The following ERCC6 variants were observed in gnomAD, a reference collection of about 807,000 sequenced individuals.
The protein encoded by ERCC6 is DNA excision repair protein ERCC-6.
In ERCC6, 116 loss-of-function variants were observed where a neutral mutation model predicts 158.7. The observed-to-expected ratio is 0.73, with a 90% CI of 0.63 to 0.85. The LOEUF is 0.85. ERCC6 is among the 40% of genes least tolerant of loss of function. The pLI is 0.00. For missense variants in ERCC6, 1,698 were observed against 1,799.4 expected (o/e 0.94, Z 1.02); for synonymous variants, 678 against 659.3 (o/e 1.03, Z -0.43).
In ERCC6 at chr10:49,454,771, T is replaced by C. The variant is rs1455587096; in HGVS notation, c.*4044A>G. On this transcript the variant is annotated 3_prime_UTR_variant, in exon 21 of 21. Transcript: ENST00000355832. ...GAAAAGACTTTGAGGACAATCATTC[T>C]ACCATTTGTGATAATCAATTATGAT... 1.3e-5 allele frequency among the ~76,000 whole-genome samples: 2 copies of C among 152,196 alleles called. No individual in the cohort carries two copies. Among genetic ancestry groups the C allele is most frequent in the Non-Finnish European group, 2.9e-5 (2 of 68,026 alleles).
chr10:49,537,348 A>T (rs968586452), intron 1 of ERCC6, among the ~76,000 whole-genome samples: 5 of 151,592 alleles, frequency 3.3e-5, no homozygotes, highest in Non-Finnish European at 7.4e-5. Flanking sequence ...GTCTCAAAAA[A>T]AAAAAAAAAA....
downstream of ERCC6, among the ~76,000 whole-genome samples, chr10:49,451,077 C>T (rs1269735270): frequency 1.3e-5 from 2 of 151,976 alleles, no homozygotes; most frequent in African/African-American, 4.8e-5. Flanking sequence ...TCCCAAAGTG[C>T]TGGGATTACA....
At chr10:49,499,622 T>A (rs977947065) in intron 7 of ERCC6, among the ~76,000 whole-genome samples, 1 of 152,182 alleles carries the variant, frequency 6.6e-6, no homozygotes, top group African/African-American at 2.4e-5. Flanking sequence ...CACAAGGAGC[T>A]CGGACTTATC....
intron 5 of ERCC6, chr10:49,516,825 T>C (rs1836984727): frequency 6.2e-7 from 1 of 1,614,130 alleles, no homozygotes; most frequent in African/African-American, 1.3e-5. Context: ...TGGAGGTTGC[T>C]GCACAGTAAA....
In ERCC6 at chr10:49,455,046, A is replaced by G. The variant is rs1275528974; in HGVS notation, c.*3769T>C. Among the ~76,000 whole-genome samples the G allele has an allele frequency of 1.3e-5, 2 of 152,224 alleles. No individual in the cohort carries two copies. The highest frequency in any genetic ancestry group is 2.9e-5 in the Non-Finnish European group (2 of 68,032). On this transcript the variant is annotated 3_prime_UTR_variant, in exon 21 of 21. Coordinates refer to ENST00000355832, the MANE Select transcript of ERCC6 (RefSeq NM_000124.4). ...GAATGGTTCTTAAATAAACAAAAAA[A>G]AATGGAAAGACTGAATTTACTATAT...
At chr10:49,518,634 A>T (rs1013189473) in intron 5 of ERCC6, among the ~76,000 whole-genome samples, 1 of 151,738 alleles carries the variant, frequency 6.6e-6, no homozygotes, top group Non-Finnish European at 1.5e-5. Flanking sequence ...AATCCACAAG[A>T]CTCTCTTCAT....
chr10:49,488,428 AT>A (rs766387322), intron 8 of ERCC6: 11 of 152,206 alleles, frequency 7.2e-5, no homozygotes, highest in Non-Finnish European at 1.6e-4. Context: ...ATAAACAAGG[AT>A]TTGTGCTGAC....
chr10:49,517,103 T>C, intron 5 of ERCC6: 1 of 1,593,384 alleles, frequency 6.3e-7, no homozygotes, highest in Non-Finnish European at 8.6e-7. Flanking sequence ...GTAAACTTAG[T>C]GTTCGAGGCA....
At chr10:49,523,220 G>A (rs939527974) in intron 5 of ERCC6, among the ~76,000 whole-genome samples, 5 of 152,170 alleles carry the variant, frequency 3.3e-5, no homozygotes, top group African/African-American at 1.2e-4. Context: ...AGAGCTAAGT[G>A]AGCTCTAAGT....
chr10:49,516,584 G>C, intron 5 of ERCC6: 1 of 1,613,978 alleles, frequency 6.2e-7, no homozygotes, highest in Non-Finnish European at 8.5e-7. Context: ...TGAATTCAGA[G>C]CTAGTCAAGC....
intron 5 of ERCC6, among the ~76,000 whole-genome samples, chr10:49,520,442 C>T (rs542872695): frequency 1.3e-5 from 2 of 152,298 alleles, no homozygotes; most frequent in East Asian, 3.9e-4. Context: ...ATGATAAACA[C>T]TAACCCTAGT....
Position 49,493,237 on chromosome 10 carries a change from A to T in ERCC6, c.1701T>A (p.Gly567=), listed in dbSNP as rs747836397. 6.2e-7 allele frequency: 1 copy of T among 1,613,768 alleles called. No individual in the cohort carries two copies. The highest frequency in any genetic ancestry group is 8.5e-7 in the Non-Finnish European group (1 of 1,179,656). The stretch of plus-strand genomic sequence containing the variant: ...TTGTTGGACAGACAATTACAGTTGG[A>T]CCCAACCCCTCAAACCTGCATCCAA... ...RGSNYRFEGL[G]PTVIVCPTTV... The change falls in exon 8 of 21, where the codon GGT becomes GGA. Residue 567 remains glycine, a synonymous_variant. Transcript: ENST00000355832.
intron 11 of ERCC6, among the ~76,000 whole-genome samples, chr10:49,476,802 G>A (rs970151957): frequency 1.2e-4 from 18 of 152,008 alleles, no homozygotes; most frequent in African/African-American, 4.1e-4. Context: ...CCATGCGATC[G>A]TGCTCTGTGA....
At chr10:49,500,382 G>A (rs746873591) in intron 7 of ERCC6, among the ~76,000 whole-genome samples, 156 bp downstream of exon 7, 5 of 152,052 alleles carry the variant, frequency 3.3e-5, no homozygotes, top group South Asian at 2.1e-4. Context: ...CCATTGTCTC[G>A]TAAAATTTTT....
At chr10:49,520,323 C>G (rs1837120259) in intron 5 of ERCC6, among the ~76,000 whole-genome samples, 1 of 152,148 alleles carries the variant, frequency 6.6e-6, no homozygotes, top group East Asian at 1.9e-4. Context: ...AAGCTTTGCT[C>G]TCGTCTGTGC....
intron 1 of ERCC6, 117 bp downstream of exon 1, chr10:49,538,845 T>C (rs1316277392): frequency 1.3e-5 from 2 of 151,898 alleles, no homozygotes; most frequent in African/African-American, 4.8e-5. Flanking sequence ...GCGTCCTCGC[T>C]GACAGGCTCA....
intron 18 of ERCC6, among the ~76,000 whole-genome samples, chr10:49,463,750 G>A (rs946653980): frequency 6.6e-6 from 1 of 152,134 alleles, no homozygotes; most frequent in Non-Finnish European, 1.5e-5. Flanking sequence ...GAGATCTCAT[G>A]GTTTTAAAAA....
intron 5 of ERCC6, among the ~76,000 whole-genome samples, chr10:49,509,314 C>A (rs1248371771): frequency 6.6e-6 from 1 of 152,152 alleles, no homozygotes; most frequent in Non-Finnish European, 1.5e-5. Context: ...CTCACGACAA[C>A]CCTGCAGCAG....
chr10:49,480,408 A>C (rs1327299193), intron 10 of ERCC6, among the ~76,000 whole-genome samples: 1 of 152,222 alleles, frequency 6.6e-6, no homozygotes, highest in Non-Finnish European at 1.5e-5. Flanking sequence ...CCAGCATGAC[A>C]GAATAAATAC....
Sources: gnomAD v4.1 joint callset for allele counts (sites outside exome capture counted in the v4.1 genomes callset) on GRCh38, gnomAD v4.1.1 for gene constraint, MANE v1.5 for transcripts, NCBI Gene and HGNC (gene_info 2026-07-23, HGNC 2026-07-21) for gene names.